ARHGEF28: variants seen among roughly 807,000 people sequenced by gnomAD.
ARHGEF28 encodes the protein Rho guanine nucleotide exchange factor 28.
Under a neutral mutation model 206.6 loss-of-function variants are expected in ARHGEF28, and 152 were observed. That is an observed-to-expected ratio of 0.74 (90% CI 0.64 to 0.84). The LOEUF (loss-of-function observed/expected upper bound fraction) is 0.84. Ranked by LOEUF, ARHGEF28 falls within the 40% of genes least tolerant of loss-of-function variation. ARHGEF28 has a pLI of 0.00. For missense variants in ARHGEF28, 2,028 were observed against 2,073.2 expected (o/e 0.98, Z 0.42); for synonymous variants, 763 against 776.4 (o/e 0.98, Z 0.29).
chr5:73,847,181 A>T (rs557852254), intron 12 of ARHGEF28, among the ~76,000 whole-genome samples: 1 of 152,320 alleles, frequency 6.6e-6, no homozygotes, highest in African/African-American at 2.4e-5. Flanking sequence ...ACTATAAAAC[A>T]ATGTGTGCTA....
In ARHGEF28 at chr5:73,858,165, C is replaced by A. The variant is rs377592803; in HGVS notation, c.1993C>A (p.Gln665Lys). The stretch of plus-strand genomic sequence containing the variant: ...CCCAGGAACATTCTCTGGGGTTCTG[C>A]AGTGTTTGGTTTGTGATAAAACACT... ...FAPGTFSGVL[Q>K]CLVCDKTLLG... The change falls in exon 16 of 36, where the codon CAG becomes AAG. Residue 665 changes from glutamine (Q) to lysine (K), a missense_variant. Physicochemically the swap from Gln to Lys is moderately conservative, Grantham distance 53. Transcript: ENST00000513042. 10 of 1,611,726 alleles carry A rather than the reference C, an allele frequency of 6.2e-6. No individual in the cohort carries two copies. Among genetic ancestry groups the A allele is most frequent in the African/African-American group, 1.3e-5 (1 of 74,814 alleles).
chr5:73,892,430 C>A (rs898455302), intron 27 of ARHGEF28, among the ~76,000 whole-genome samples, 200 bp downstream of exon 27: 3 of 152,174 alleles, frequency 2.0e-5, no homozygotes, highest in Admixed American at 2.0e-4. Flanking sequence ...CCTCCCTCTG[C>A]CTGTGTGCAC....
intron 9 of ARHGEF28, among the ~76,000 whole-genome samples, chr5:73,830,948 T>C (rs1432801247): frequency 6.6e-6 from 1 of 152,180 alleles, no homozygotes; most frequent in Non-Finnish European, 1.5e-5. Context: ...CAAGAAAATT[T>C]ACGGGGATGT....
At chr5:73,685,096 A>C (rs763502459) in intron 2 of ARHGEF28, among the ~76,000 whole-genome samples, 1 of 152,116 alleles carries the variant, frequency 6.6e-6, no homozygotes, top group Non-Finnish European at 1.5e-5. Flanking sequence ...TATTTCCCTC[A>C]GTATTTTTTT....
intron 35 of ARHGEF28, chr5:73,923,255 C>A: frequency 8.6e-7 from 1 of 1,165,056 alleles, no homozygotes; most frequent in Non-Finnish European, 1.2e-6. Context: ...TTGGTTTATG[C>A]TAAACAAGCA....
At chr5:73,936,263 A>G (rs1022264585) in intron 35 of ARHGEF28, among the ~76,000 whole-genome samples, 4 of 152,166 alleles carry the variant, frequency 2.6e-5, no homozygotes, top group South Asian at 2.1e-4. Flanking sequence ...ATTATGGACA[A>G]TGTCTTCTGC....
chr5:73,898,262 G>A, intron 30 of ARHGEF28, 169 bp downstream of exon 30: 2 of 758,110 alleles, frequency 2.6e-6, no homozygotes, highest in Non-Finnish European at 2.0e-6. Context: ...GAATATCATA[G>A]GCATATAATA....
chr5:73,930,033 G>A (rs1314671561), intron 35 of ARHGEF28, among the ~76,000 whole-genome samples: 2 of 151,834 alleles, frequency 1.3e-5, no homozygotes, highest in African/African-American at 4.8e-5. Context: ...GAGCATTTAC[G>A]GGATCTTACC....
chr5:73,794,745 T>A lies in ARHGEF28; in HGVS notation c.963+291T>A, dbSNP rs146697309. On this transcript the variant is annotated intron_variant, in intron 8 of 35. Coordinates refer to ENST00000513042, the MANE Select transcript of ARHGEF28 (RefSeq NM_001177693.2). Reference sequence around the variant, plus strand: ...CCTCACCCTCCTGAGTAGCTGGGACTATAGGCGCCCACCACCACGTCTGGC... The same window carrying A: ...CCTCACCCTCCTGAGTAGCTGGGACAATAGGCGCCCACCACCACGTCTGGC... Among the ~76,000 whole-genome samples the A allele has an allele frequency of 0.049, 7,417 of 151,978 alleles. 283 individuals carry two copies. Among genetic ancestry groups the A allele is most frequent in the African/African-American group, 0.1 (4,280 of 41,434 alleles).
intron 2 of ARHGEF28, among the ~76,000 whole-genome samples, chr5:73,726,277 CCT>C (rs1307965041): frequency 2.0e-5 from 3 of 152,150 alleles, no homozygotes; most frequent in African/African-American, 7.2e-5. Flanking sequence ...CACTGCACTC[CCT>C]GTCTGCCAGG....
chr5:73,728,804 G>A (rs943591536), intron 2 of ARHGEF28, among the ~76,000 whole-genome samples: 2 of 152,176 alleles, frequency 1.3e-5, no homozygotes, highest in African/African-American at 2.4e-5. Context: ...TATATCTTGT[G>A]TTCCAAAGGA....
At chr5:73,708,623 G>T (rs1037462574) in intron 2 of ARHGEF28, among the ~76,000 whole-genome samples, 1 of 152,062 alleles carries the variant, frequency 6.6e-6, no homozygotes, top group African/African-American at 2.4e-5. Context: ...TGGACATCTG[G>T]GTTGATTTCA....
intron 9 of ARHGEF28, among the ~76,000 whole-genome samples, chr5:73,829,085 T>G (rs1248379020): frequency 1.3e-5 from 2 of 152,222 alleles, no homozygotes; most frequent in Non-Finnish European, 2.9e-5. Context: ...TTTCACAAAT[T>G]GCTGGGATTA....
intron 9 of ARHGEF28, among the ~76,000 whole-genome samples, chr5:73,826,445 C>T (rs761230025): frequency 1.3e-5 from 2 of 152,232 alleles, no homozygotes; most frequent in Non-Finnish European, 2.9e-5. Flanking sequence ...ACCTGACTTT[C>T]GCGCTCTGGC....
At chr5:73,863,032 CTT>C (rs1412243749) in intron 16 of ARHGEF28, 1 of 151,846 alleles carries the variant, frequency 6.6e-6, no homozygotes, top group African/African-American at 2.4e-5. Flanking sequence ...GGACCAAAGT[CTT>C]TTCCCTTCAT....
intron 7 of ARHGEF28, among the ~76,000 whole-genome samples, chr5:73,782,739 G>A (rs1321857484): frequency 6.6e-6 from 1 of 152,188 alleles, no homozygotes; most frequent in Non-Finnish European, 1.5e-5. Flanking sequence ...GTAGGAGAAA[G>A]CTCTTTCTGG....
At chr5:73,712,748 C>G (rs1749327961) in intron 2 of ARHGEF28, among the ~76,000 whole-genome samples, 1 of 152,164 alleles carries the variant, frequency 6.6e-6, no homozygotes, top group African/African-American at 2.4e-5. Flanking sequence ...CCTCATTAAA[C>G]TAATAGAACA....
chr5:73,730,817 C>A (rs1183576513), intron 2 of ARHGEF28, among the ~76,000 whole-genome samples: 2 of 152,036 alleles, frequency 1.3e-5, no homozygotes, highest in Admixed American at 6.5e-5. Context: ...AAAATTTATT[C>A]TCTAGTTTAT....
intron 2 of ARHGEF28, among the ~76,000 whole-genome samples, chr5:73,688,830 A>G (rs1747630970): frequency 6.6e-6 from 1 of 151,988 alleles, no homozygotes; most frequent in Non-Finnish European, 1.5e-5. Context: ...ATTTTTTTGT[A>G]TTTTTAGTAG....
Sources: gnomAD v4.1 joint callset for allele counts (sites outside exome capture counted in the v4.1 genomes callset) on GRCh38, gnomAD v4.1.1 for gene constraint, MANE v1.5 for transcripts, NCBI Gene and HGNC (gene_info 2026-07-23, HGNC 2026-07-21) for gene names.